The following PLXNA2 variants were observed in gnomAD, a reference collection of about 807,000 sequenced individuals.
PLXNA2 encodes the protein plexin-A2.
PLXNA2 carries 91 observed loss-of-function variants against 193.5 expected under a neutral mutation model. That is an observed-to-expected ratio of 0.47 (90% CI 0.40 to 0.56). PLXNA2 has a LOEUF of 0.56. Among genes scored for constraint, PLXNA2 ranks in the 20% least tolerant of loss-of-function variants. The probability of loss-of-function intolerance (pLI) is 0.00; values close to 1 mark genes in which losing one functional copy is unlikely to be tolerated. For missense variants in PLXNA2, 1,995 were observed against 2,503.2 expected, an observed-to-expected ratio of 0.80 and a Z score of 4.33; for synonymous variants, 997 against 1,027.3, an observed-to-expected ratio of 0.97 and a Z score of 0.56.
chr1:208,226,480 C>A (rs181932954), intron 1 of PLXNA2, among the ~76,000 whole-genome samples: 81 of 152,176 alleles, frequency 5.3e-4, no homozygotes, highest in African/African-American at 1.9e-3. Flanking sequence ...GAGTTGTATC[C>A]CTGAATTATG....
chr1:208,180,432 C>T (rs1212873849), intron 3 of PLXNA2, among the ~76,000 whole-genome samples: 1 of 152,134 alleles, frequency 6.6e-6, no homozygotes, highest in Non-Finnish European at 1.5e-5. Flanking sequence ...TGAGCTTTGG[C>T]TGTGGCAGTG....
At chr1:208,119,454 C>G (rs1667739621) in intron 4 of PLXNA2, among the ~76,000 whole-genome samples, 1 of 152,194 alleles carries the variant, frequency 6.6e-6, no homozygotes, top group Non-Finnish European at 1.5e-5. Flanking sequence ...AGCCCTTGAA[C>G]ACAAGAAATC....
intron 12 of PLXNA2, among the ~76,000 whole-genome samples, chr1:208,068,887 T>A (rs1665884253): frequency 6.6e-6 from 1 of 152,246 alleles, no homozygotes; most frequent in Admixed American, 6.5e-5. Flanking sequence ...TTAATGGGAC[T>A]TTTAAGTTGT....
chr1:208,168,416 A>G (rs1669377747), intron 3 of PLXNA2, among the ~76,000 whole-genome samples: 1 of 152,186 alleles, frequency 6.6e-6, no homozygotes, highest in Non-Finnish European at 1.5e-5. Context: ...ATGTATTCCT[A>G]ACATCTAGGA....
chr1:208,121,673 T>G (rs1393993105), intron 4 of PLXNA2, among the ~76,000 whole-genome samples: 2 of 152,124 alleles, frequency 1.3e-5, no homozygotes, highest in African/African-American at 2.4e-5. Context: ...CAATTAAACC[T>G]CCTTTCTTTA....
At chr1:208,058,190 T>C (rs942427332) in intron 13 of PLXNA2, among the ~76,000 whole-genome samples, 4 of 152,164 alleles carry the variant, frequency 2.6e-5, no homozygotes, top group Admixed American at 2.6e-4. Context: ...GGAAGCAGCC[T>C]GAGGATCTAA....
At chr1:208,222,540 G>A (rs1027327344) in intron 1 of PLXNA2, among the ~76,000 whole-genome samples, 10 of 152,174 alleles carry the variant, frequency 6.6e-5, no homozygotes, top group Admixed American at 5.9e-4. Flanking sequence ...CCATCTCCCC[G>A]ATCAGGATTC....
At chr1:208,239,508 G>A (rs1486371506) in intron 1 of PLXNA2, among the ~76,000 whole-genome samples, 1 of 152,180 alleles carries the variant, frequency 6.6e-6, no homozygotes, top group Non-Finnish European at 1.5e-5. Flanking sequence ...CCATCCACCT[G>A]CTGGTTTTCT....
intron 11 of PLXNA2, among the ~76,000 whole-genome samples, chr1:208,081,089 C>T (rs1277274112): frequency 1.3e-5 from 2 of 152,196 alleles, no homozygotes; most frequent in Non-Finnish European, 2.9e-5. Flanking sequence ...GTTTCCGATG[C>T]AACAGCTCGG....
chr1:208,201,466 G>A (rs771996064), intron 3 of PLXNA2, among the ~76,000 whole-genome samples: 15 of 152,202 alleles, frequency 9.9e-5, no homozygotes, highest in East Asian at 1.9e-4. Flanking sequence ...AGCTGGTCCC[G>A]TCTTCTAAGT....
chr1:208,097,353 C>G (rs563199977), intron 6 of PLXNA2, among the ~76,000 whole-genome samples: 15 of 152,300 alleles, frequency 9.8e-5, no homozygotes, highest in Admixed American at 4.6e-4. Flanking sequence ...AGATAGCTAG[C>G]TCCTCACCTT....
intron 3 of PLXNA2, among the ~76,000 whole-genome samples, chr1:208,198,143 T>C (rs772023783): frequency 6.6e-6 from 1 of 152,168 alleles, no homozygotes; most frequent in Non-Finnish European, 1.5e-5. Flanking sequence ...TCAATATTGA[T>C]GGAATTGCAT....
rs879190457 is a variant in PLXNA2 at position 208,217,093 on chromosome 1, G to T, written c.830C>A (p.Thr277Asn). Reference sequence around the variant, plus strand: ...CTTGCAGAGCCGCACGATGCGTGAGGTGTAGAAGAGGTCTCCAGCGGAGTT... The same window carrying T: ...CTTGCAGAGCCGCACGATGCGTGAGTTGTAGAAGAGGTCTCCAGCGGAGTT... ...AINSAGDLFY[T>N]SRIVRLCKDD... The change falls in exon 2 of 32, where the codon ACC (threonine) becomes AAC (asparagine). Residue 277 changes from threonine to asparagine, a missense_variant. Transcript: ENST00000367033. The surrounding 1 kb of genome is among the most constrained non-coding windows in gnomAD (Gnocchi z 4.7). 1 of 1,614,216 alleles carries T rather than the reference G, an allele frequency of 6.2e-7. No homozygotes were observed. The highest frequency in any genetic ancestry group is 1.1e-5 in the South Asian group (1 of 91,074).
At chr1:208,156,448 T>G (rs1038487970) in intron 3 of PLXNA2, among the ~76,000 whole-genome samples, 4 of 151,936 alleles carry the variant, frequency 2.6e-5, no homozygotes, top group African/African-American at 9.7e-5. Flanking sequence ...TGCAAATCAT[T>G]TACAAAACCC....
At position 208,225,875 on chromosome 1, in the gene PLXNA2, G is replaced by A. The variant is rs114673088; in HGVS notation, c.-80-7873C>T. ...CCACATCCTCATCTGGGACTTCCCAGTTTCTGAACTTGGAGAAAATAAATT... is the reference window on the plus strand; with the variant it reads ...CCACATCCTCATCTGGGACTTCCCAATTTCTGAACTTGGAGAAAATAAATT... On this transcript the variant is annotated intron_variant, in intron 1 of 31. Coordinates refer to ENST00000367033, the MANE Select transcript of PLXNA2 (RefSeq NM_025179.4). Among the ~76,000 whole-genome samples, 1,116 of 152,312 alleles carry A rather than the reference G, an allele frequency of 7.3e-3. 21 individuals carry two copies. The highest frequency in any genetic ancestry group is 0.025 in the African/African-American group (1,022 of 41,564).
At chr1:208,179,725 C>T (rs1234787381) in intron 3 of PLXNA2, among the ~76,000 whole-genome samples, 1 of 152,158 alleles carries the variant, frequency 6.6e-6, no homozygotes, top group African/African-American at 2.4e-5. Flanking sequence ...GAGGCTTCAG[C>T]AAATCCATAA....
At chr1:208,232,211 C>T (rs1671713336) in intron 1 of PLXNA2, among the ~76,000 whole-genome samples, 1 of 152,198 alleles carries the variant, frequency 6.6e-6, no homozygotes, top group South Asian at 2.1e-4. Context: ...AAGCACAAAT[C>T]TGTAAGGAGA....
At chr1:208,084,289 C>T (rs1024105615) in intron 10 of PLXNA2, 91 bp downstream of exon 10, 31 of 1,370,822 alleles carry the variant, frequency 2.3e-5, no homozygotes, top group Non-Finnish European at 3.2e-5. Flanking sequence ...ACCTGGAAGG[C>T]TCCGGAAGCC....
At chr1:208,086,979 C>CTCTCTCTGTG (rs1491364667) in intron 9 of PLXNA2, among the ~76,000 whole-genome samples, 20 of 65,488 alleles carry the variant, frequency 3.1e-4, no homozygotes, top group African/African-American at 1.3e-3. Context: ...CTCTCTCTCT[C>CTCTCTCTGTG]TGTGTGTGTG....
Sources: allele counts gnomAD v4.1 joint callset (sites outside exome capture counted in the v4.1 genomes callset), GRCh38; gene constraint gnomAD v4.1.1; non-coding constraint Gnocchi (gnomAD v3.1); transcripts MANE v1.5; gene names NCBI Gene and HGNC (gene_info 2026-07-23, HGNC 2026-07-21).